PRR16: variants seen among roughly 807,000 people sequenced by gnomAD.
The protein encoded by PRR16 is protein Largen.
Under a neutral mutation model 18.2 loss-of-function variants are expected in PRR16, and 6 were observed. That is an observed-to-expected ratio of 0.33 (90% confidence interval 0.18 to 0.65). PRR16 has a LOEUF of 0.65. Among genes scored for constraint, PRR16 ranks in the 30% least tolerant of loss-of-function variants. The probability of loss-of-function intolerance (pLI) is 0.74; values close to 1 mark genes in which losing one functional copy is unlikely to be tolerated. For missense variants in PRR16, 412 were observed against 376.6 expected, an observed-to-expected ratio of 1.09 and a Z score of -0.78; for synonymous variants, 151 against 147.8, an observed-to-expected ratio of 1.02 and a Z score of -0.16.
chr5:120,562,435 C>A (rs1752605633), intron 1 of PRR16, among the ~76,000 whole-genome samples: 1 of 151,972 alleles, frequency 6.6e-6, no homozygotes, highest in African/African-American at 2.4e-5. Flanking sequence ...TACATACAGT[C>A]ACTCTGTTTT....
the PRR16 span, among the ~76,000 whole-genome samples, chr5:120,727,175 T>A: frequency 2.0e-5 from 3 of 152,078 alleles, no homozygotes; most frequent in African/African-American, 7.2e-5. Flanking sequence ...TTCTCTTTTT[T>A]GTGTCTCAAG....
At chr5:120,617,125 A>C in intron 1 of PRR16, 1 of 985,348 alleles carries the variant, frequency 1.0e-6, no homozygotes, top group Non-Finnish European at 1.2e-6. Context: ...ACCTCCCCAC[A>C]TGATGAAACA....
chr5:120,751,001 T>C, the PRR16 span, among the ~76,000 whole-genome samples: 4 of 152,102 alleles, frequency 2.6e-5, no homozygotes. Flanking sequence ...CATGAGATCA[T>C]TTTTTTAGCT....
At chr5:120,742,401 CT>C in the PRR16 span, among the ~76,000 whole-genome samples, 2 of 150,666 alleles carry the variant, frequency 1.3e-5, no homozygotes, top group African/African-American at 4.9e-5. Flanking sequence ...ACATTCAAAA[CT>C]TTTGATATTG....
the PRR16 span, among the ~76,000 whole-genome samples, chr5:120,697,928 G>A: frequency 3.9e-5 from 6 of 152,124 alleles, no homozygotes; most frequent in Non-Finnish European, 2.9e-5. Context: ...AGGTGGGGCA[G>A]GGCATATTCA....
At chr5:120,778,629 G>A in the PRR16 span, among the ~76,000 whole-genome samples, 8 of 152,210 alleles carry the variant, frequency 5.3e-5, no homozygotes, top group South Asian at 2.1e-4. Context: ...AGAATTTAAC[G>A]TGATTGTATT....
At chr5:120,592,057 G>A (rs557823363) in intron 1 of PRR16, among the ~76,000 whole-genome samples, 16 of 152,206 alleles carry the variant, frequency 1.1e-4, no homozygotes, top group African/African-American at 2.9e-4. Context: ...CATTTTGGAC[G>A]TCTATCACTT....
At chr5:120,523,288 G>T (rs912597766) in intron 1 of PRR16, among the ~76,000 whole-genome samples, 1 of 152,114 alleles carries the variant, frequency 6.6e-6, no homozygotes, top group Admixed American at 6.5e-5. Context: ...GTTTTTAAAG[G>T]TATAATTGCC....
chr5:120,533,083 T>C (rs1186820937), intron 1 of PRR16, among the ~76,000 whole-genome samples: 1 of 152,216 alleles, frequency 6.6e-6, no homozygotes, highest in Admixed American at 6.5e-5. Flanking sequence ...AACTGCACTC[T>C]AGGTGTCAGA....
At chr5:120,767,962 G>C in the PRR16 span, among the ~76,000 whole-genome samples, 4 of 151,642 alleles carry the variant, frequency 2.6e-5, no homozygotes, top group South Asian at 2.1e-4. Context: ...CACTTAAAAG[G>C]GTACAGTGTT....
At chr5:120,748,310 A>ATTCTC in the PRR16 span, among the ~76,000 whole-genome samples, 2 of 152,114 alleles carry the variant, frequency 1.3e-5, no homozygotes, top group African/African-American at 4.8e-5. Flanking sequence ...ACAAATAGTA[A>ATTCTC]TTCTCTTCTA....
chr5:120,788,938 C>A, the PRR16 span, among the ~76,000 whole-genome samples: 1 of 151,772 alleles, frequency 6.6e-6, no homozygotes, highest in African/African-American at 2.4e-5. Context: ...ACTTATTAAT[C>A]TAATAGAATA....
the PRR16 span, among the ~76,000 whole-genome samples, chr5:120,709,959 A>G: frequency 3.3e-5 from 5 of 152,134 alleles, no homozygotes; most frequent in African/African-American, 9.7e-5. Flanking sequence ...TGTCTTCAAT[A>G]TATTGATTTC....
chr5:120,785,487 AATTTAT>A, the PRR16 span, among the ~76,000 whole-genome samples: 1 of 151,472 alleles, frequency 6.6e-6, no homozygotes, highest in Admixed American at 6.6e-5. Context: ...CAAAGTTAGT[AATTTAT>A]ATTTTTCTAT....
At chr5:120,730,341 G>C in the PRR16 span, among the ~76,000 whole-genome samples, 1 of 152,128 alleles carries the variant, frequency 6.6e-6, no homozygotes, top group African/African-American at 2.4e-5. Flanking sequence ...GTGTGAAGAT[G>C]TGCAATTAAT....
At chr5:120,580,422 T>C (rs1024231063) in intron 1 of PRR16, among the ~76,000 whole-genome samples, 3 of 151,470 alleles carry the variant, frequency 2.0e-5, no homozygotes, top group Non-Finnish European at 2.9e-5. Context: ...CCTAGTTAAT[T>C]GAGAGTTTTT....
intron 1 of PRR16, among the ~76,000 whole-genome samples, chr5:120,643,469 T>C (rs1378518461): frequency 1.3e-5 from 2 of 152,122 alleles, no homozygotes; most frequent in Non-Finnish European, 2.9e-5. Context: ...GAACATGATT[T>C]TTAAAAAAAT....
chr5:120,575,597 A>C (rs531517448), intron 1 of PRR16, among the ~76,000 whole-genome samples: 1 of 152,170 alleles, frequency 6.6e-6, no homozygotes, highest in Non-Finnish European at 1.5e-5. Flanking sequence ...CATTTGAAAA[A>C]ATCAACATTC....
intron 1 of PRR16, among the ~76,000 whole-genome samples, chr5:120,524,897 C>T (rs1474175728): frequency 6.6e-6 from 1 of 151,918 alleles, no homozygotes; most frequent in East Asian, 1.9e-4. Context: ...AAAGGTTAAC[C>T]ATTTTTTACT....
Sources: gnomAD v4.1 joint callset for allele counts (sites outside exome capture counted in the v4.1 genomes callset) on GRCh38, gnomAD v4.1.1 for gene constraint, MANE v1.5 for transcripts, NCBI Gene and HGNC (gene_info 2026-07-23, HGNC 2026-07-21) for gene names.